Variants in ZFP62 observed in about 807,000 individuals in gnomAD.
The protein encoded by ZFP62 is ZFP62 zinc finger protein.
A neutral mutation model predicts 56.4 loss-of-function variants in ZFP62; 44 were observed. The observed-to-expected ratio is 0.78, with a 90% CI of 0.61 to 1.00. ZFP62 has a LOEUF of 1.00. Among genes scored for constraint, ZFP62 ranks in the 50% least tolerant of loss-of-function variants. ZFP62 has a pLI of 0.00. For synonymous variants in ZFP62, 421 were observed against 388.9 expected (o/e 1.08, Z -0.97); for missense variants, 1,030 against 1,085.7 (o/e 0.95, Z 0.72).
chr5:180,852,048 GGAA>G (rs1257418834), intron 1 of ZFP62: 7 of 984,542 alleles, frequency 7.1e-6, no homozygotes, highest in Admixed American at 1.2e-4. Context: ...GCAGAGATGA[GGAA>G]GAAGGCAACC....
chr5:180,848,151 G>T lies in ZFP62; in HGVS notation c.*641C>A. ...ACGTTCATCAATTTGCATTTTTTAT[G>T]AGTGACTCTCTCCTATCTCCTGTTA... On this transcript the variant is annotated 3_prime_UTR_variant, in exon 2 of 2. Coordinates refer to ENST00000502412, the MANE Select transcript of ZFP62 (RefSeq NM_001172638.2). 1.0e-6 allele frequency: 1 copy of T among 985,306 alleles called. No homozygotes were observed. Among genetic ancestry groups the T allele is most frequent in the Non-Finnish European group, 1.2e-6 (1 of 829,902 alleles). The allele number at this position is 985,306 out of a possible 1,614,324, so 61.0% of individuals were successfully genotyped here.
At chr5:180,846,742 C>A (rs899547), downstream of ZFP62, among the ~76,000 whole-genome samples, 6,532 of 152,284 alleles carry the variant, frequency 0.043, 152 homozygotes, top group South Asian at 0.11. Flanking sequence ...GTGCTCACAG[C>A]CTTTCTCCCT....
At chr5:180,855,484 T>C (rs1561909067) in intron 1 of ZFP62, among the ~76,000 whole-genome samples, 4 of 152,152 alleles carry the variant, frequency 2.6e-5, no homozygotes, top group Non-Finnish European at 5.9e-5. Flanking sequence ...TGGATGTTTC[T>C]GGCCCCTCCT....
chr5:180,828,845 T>C, the ZFP62 span, among the ~76,000 whole-genome samples: 8 of 152,216 alleles, frequency 5.3e-5, no homozygotes, highest in Non-Finnish European at 1.0e-4. Flanking sequence ...AGGGAAGATA[T>C]TGCTGAATTC....
Position 180,849,346 on chromosome 5 carries a change from T to TAAA in ZFP62, c.2148_2149insTTT (p.Leu716_Ile717insPhe). Reference sequence around the variant, plus strand: ...CCAAGATGGACTCTTTTATGGCTTATAAGAGTTCTGCTTGAGAAAAAAGCT... The same window carrying TAAA: ...CCAAGATGGACTCTTTTATGGCTTATAAAAAGAGTTCTGCTTGAGAAAAAAGCT... On this transcript the variant is annotated inframe_insertion, in exon 2 of 2. Coordinates refer to ENST00000502412, the MANE Select transcript of ZFP62 (RefSeq NM_001172638.2). 6.4e-7 allele frequency: 1 copy of TAAA among 1,551,970 alleles called. No individual in the cohort carries two copies. Among genetic ancestry groups the TAAA allele is most frequent in the Non-Finnish European group, 8.7e-7 (1 of 1,147,064 alleles).
At chr5:180,835,143 A>G in the ZFP62 span, 1 of 152,248 alleles carries the variant, frequency 6.6e-6, no homozygotes, top group African/African-American at 2.4e-5. Flanking sequence ...GAGTTCAAGG[A>G]TAAAGACTTG....
the ZFP62 span, among the ~76,000 whole-genome samples, chr5:180,827,532 C>T: frequency 6.6e-6 from 1 of 152,160 alleles, no homozygotes; most frequent in Non-Finnish European, 1.5e-5. Context: ...ACTCCCTAAT[C>T]TCAAGTACCC....
chr5:180,852,554 C>CAAA (rs36030316), intron 1 of ZFP62, among the ~76,000 whole-genome samples: 3 of 109,450 alleles, frequency 2.7e-5, no homozygotes, highest in African/African-American at 6.9e-5. Flanking sequence ...CTCCGTCTCA[C>CAAA]AAAAAAAAAA....
the ZFP62 span, chr5:180,830,575 T>C: frequency 6.6e-6 from 1 of 152,352 alleles, no homozygotes; most frequent in Non-Finnish European, 1.5e-5. Flanking sequence ...CATTCTCATT[T>C]ACTCGGGTGG....
Position 180,848,962 on chromosome 5 carries a change from A to T in ZFP62, c.2533T>A (p.Cys845Ser), listed in dbSNP as rs1773525017. Reference sequence around the variant, plus strand: ...GATCTGATATTAAAAGCCTTACCACACTCATTACATCGGTATGGCTTCTTT... The same window carrying T: ...GATCTGATATTAAAAGCCTTACCACTCTCATTACATCGGTATGGCTTCTTT... ...TGKKPYRCNE[C>S]GKAFNIRSNL... Residue 845 changes from cysteine (C) to serine (S), a missense_variant, in exon 2 of 2, where the codon TGT becomes AGT. By Grantham distance (112) the Cys-to-Ser change is moderately radical (BLOSUM62 -1). Transcript: ENST00000502412. 1 of 1,551,688 alleles carries T rather than the reference A, an allele frequency of 6.4e-7. No individual in the cohort carries two copies. The highest frequency in any genetic ancestry group is 1.4e-5 in the African/African-American group (1 of 73,032).
At chr5:180,827,771 G>A in the ZFP62 span, among the ~76,000 whole-genome samples, 3 of 152,190 alleles carry the variant, frequency 2.0e-5, no homozygotes, top group Non-Finnish European at 4.4e-5. Context: ...TCTCCTGCCC[G>A]TCCCTGGGCA....
In ZFP62 at chr5:180,850,961, G is replaced by A. The variant is rs1159542858; in HGVS notation, c.534C>T (p.Phe178=). The change falls in exon 2 of 2, where the codon TTC becomes TTT. Residue 178 remains phenylalanine (F), a synonymous_variant. Transcript: ENST00000502412. ...GGACCCGAAGGCTCGAGCTGCTCCG[G>A]AAAGTCCCTCCACAGTCATCACATT... ...RYECDDCGGT[F]RSSSSLRVHK... is the part of the protein sequence containing the mutation. The A allele has an allele frequency of 1.3e-6, 2 of 1,554,032 alleles. No individual in the cohort carries two copies. Among genetic ancestry groups the A allele is most frequent in the African/African-American group, 1.4e-5 (1 of 73,076 alleles).
At chr5:180,852,634 A>G (rs1029702126) in intron 1 of ZFP62, among the ~76,000 whole-genome samples, 1 of 152,024 alleles carries the variant, frequency 6.6e-6, no homozygotes, top group Non-Finnish European at 1.5e-5. Flanking sequence ...TATGGAATAG[A>G]GCTCTAAATA....
At position 180,848,777 on chromosome 5, in the gene ZFP62, G is replaced by C; in HGVS notation, c.*15C>G. The C allele has an allele frequency of 6.7e-7, 1 of 1,493,036 alleles. No individual in the cohort carries two copies. Among genetic ancestry groups the C allele is most frequent in the Non-Finnish European group, 8.9e-7 (1 of 1,118,362 alleles). The allele number at this position is 1,493,036 out of a possible 1,614,324, so 92.5% of individuals were successfully genotyped here. A position where few individuals can be genotyped will look rare whatever the true frequency, so the allele number is the denominator to read the frequency against. The stretch of plus-strand genomic sequence containing the variant: ...CTTCCATTTGAGTTCGGAGAGACTT[G>C]GTAAGCTCTGCCTGCTACAGAGGCA... On this transcript the variant is annotated 3_prime_UTR_variant, in exon 2 of 2. Transcript: ENST00000502412.
chr5:180,849,559 C>T lies in ZFP62; in HGVS notation c.1936G>A (p.Glu646Lys), dbSNP rs778796989. 4.5e-6 allele frequency: 7 copies of T among 1,552,148 alleles called. No homozygotes were observed. The East Asian group carries it at 1.7e-4, about 38-fold the overall frequency. Reference sequence around the variant, plus strand: ...AAGACCTTCTCACACCTGTCACATTCATAGGGTTTCTCTCTAGTGTGGACC... The same window carrying T: ...AAGACCTTCTCACACCTGTCACATTTATAGGGTTTCTCTCTAGTGTGGACC... ...RRVHTREKPYECDRCEKVFRN... is the reference protein window; with the variant it reads ...RRVHTREKPYKCDRCEKVFRN... The change falls in exon 2 of 2, where the codon GAA (glutamate) becomes AAA (lysine). Residue 646 changes from glutamate to lysine, a missense_variant. By Grantham distance (56) the Glu-to-Lys change is moderately conservative. Coordinates refer to ENST00000502412, the MANE Select transcript of ZFP62 (RefSeq NM_001172638.2).
chr5:180,840,033 C>T, the ZFP62 span, among the ~76,000 whole-genome samples: 1 of 147,276 alleles, frequency 6.8e-6, no homozygotes. Context: ...AGTTGTGGGA[C>T]TGCCTAAAGA....
At chr5:180,856,553 C>T (rs2113710012) in intron 1 of ZFP62, among the ~76,000 whole-genome samples, 1 of 152,292 alleles carries the variant, frequency 6.6e-6, no homozygotes, top group Non-Finnish European at 1.5e-5. Flanking sequence ...GTTTGTTTTC[C>T]AGGCCCCGGG....
chr5:180,849,986 C>T lies in ZFP62; in HGVS notation c.1509G>A (p.Lys503=), dbSNP rs1360074853. ...TCTCACAATAGCTACATTTATAGGGCTTCTCCCCAAGGTGGATTCCTTTGT... is the reference window on the plus strand; with the variant it reads ...TCTCACAATAGCTACATTTATAGGGTTTCTCCCCAAGGTGGATTCCTTTGT... ...KNHKGIHLGE[K]PYKCSYCEKS... The change falls in exon 2 of 2, where the codon AAG becomes AAA. Residue 503 remains lysine (K), a synonymous_variant. Transcript: ENST00000502412. 8.4e-6 allele frequency: 13 copies of T among 1,551,522 alleles called. No individual in the cohort carries two copies. Among genetic ancestry groups the T allele is most frequent in the Middle Eastern group, 3.3e-4 (2 of 6,012 alleles).
In ZFP62 at chr5:180,848,330, T is replaced by C; in HGVS notation, c.*462A>G. 1 of 987,052 alleles carries C rather than the reference T, an allele frequency of 1.0e-6. No individual in the cohort carries two copies. The highest frequency in any genetic ancestry group is 1.2e-6 in the Non-Finnish European group (1 of 831,092). The allele number at this position is 987,052 out of a possible 1,614,324, so 61.1% of individuals were successfully genotyped here. On this transcript the variant is annotated 3_prime_UTR_variant, in exon 2 of 2. Transcript: ENST00000502412. Reference sequence around the variant, plus strand: ...AATTTATATTCCCTGAAACCTATCCTCCCTGAATTTGCCTGTTGGAGGCCC... The same window carrying C: ...AATTTATATTCCCTGAAACCTATCCCCCCTGAATTTGCCTGTTGGAGGCCC...
Sources: gnomAD v4.1 joint callset for allele counts (sites outside exome capture counted in the v4.1 genomes callset) on GRCh38, gnomAD v4.1.1 for gene constraint, MANE v1.5 for transcripts, NCBI Gene and HGNC (gene_info 2026-07-23, HGNC 2026-07-21) for gene names.